Variants in CSMD1 observed in about 807,000 individuals in gnomAD.
CSMD1 encodes the protein CUB and sushi domain-containing protein 1.
A neutral mutation model predicts 417.5 loss-of-function variants in CSMD1; 213 were observed. The ratio of observed to expected loss-of-function variants is 0.51; its 90% CI spans 0.46 to 0.57. The LOEUF is 0.57. Ranked by LOEUF, CSMD1 falls within the 20% of genes least tolerant of loss-of-function variation. The probability of loss-of-function intolerance (pLI) is 0.00; values close to 1 mark genes in which losing one functional copy is unlikely to be tolerated. For missense variants in CSMD1, 6,923 were observed against 4,529.7 expected (o/e 1.53, Z -15.17); for synonymous variants, 2,862 against 1,736.8 (o/e 1.65, Z -16.11).
chr8:4,859,132 C>G (rs1184155751), intron 1 of CSMD1, among the ~76,000 whole-genome samples: 7 of 152,054 alleles, frequency 4.6e-5, no homozygotes, highest in African/African-American at 1.7e-4. Context: ...ACTATCTGAT[C>G]TTTGACAAAC....
chr8:2,944,600 G>A (rs1802093557), intron 68 of CSMD1, among the ~76,000 whole-genome samples: 2 of 151,992 alleles, frequency 1.3e-5, no homozygotes, highest in South Asian at 4.2e-4. Flanking sequence ...GTTTTGTTTG[G>A]TTTCGTTTGG....
In CSMD1 at chr8:4,894,998, G is replaced by A. The variant is rs115684725; in HGVS notation, c.85+99334C>T. On this transcript the variant is annotated intron_variant, in intron 1 of 69. Transcript: ENST00000635120. ...CCACTTTTCTGATCTACTGCCTTCG[G>A]CAAGTAACTTCACTTCTCTTGACCT... Among the ~76,000 whole-genome samples the A allele has an allele frequency of 1.6e-3, 240 of 152,240 alleles. 2 individuals carry two copies. The highest frequency in any genetic ancestry group is 6.8e-3 in the Middle Eastern group (2 of 294).
At chr8:3,697,998 G>A (rs532878962) in intron 7 of CSMD1, among the ~76,000 whole-genome samples, 3 of 152,098 alleles carry the variant, frequency 2.0e-5, no homozygotes, top group Admixed American at 6.5e-5. Flanking sequence ...TTAACCACCT[G>A]TAATCCAATC....
chr8:4,544,486 T>C (rs1167245009), intron 2 of CSMD1, among the ~76,000 whole-genome samples: 2 of 152,148 alleles, frequency 1.3e-5, no homozygotes, highest in East Asian at 3.8e-4. Flanking sequence ...AATTGACTTT[T>C]ATTTTAGCTA....
chr8:4,692,173 C>T (rs920743792), intron 1 of CSMD1, among the ~76,000 whole-genome samples: 5 of 152,154 alleles, frequency 3.3e-5, no homozygotes, highest in Admixed American at 6.5e-5. Flanking sequence ...TGGAAACCAG[C>T]AGCCCCTGGC....
intron 1 of CSMD1, among the ~76,000 whole-genome samples, chr8:4,911,821 T>C (rs540537606): frequency 3.9e-5 from 6 of 152,254 alleles, no homozygotes; most frequent in Non-Finnish European, 7.4e-5. Flanking sequence ...TCATTAAACT[T>C]CACGGTGTTT....
chr8:4,081,561 T>G (rs920846807), intron 3 of CSMD1, among the ~76,000 whole-genome samples: 2 of 152,150 alleles, frequency 1.3e-5, no homozygotes, highest in African/African-American at 4.8e-5. Flanking sequence ...GTGCTCATGT[T>G]GACCTAGTTG....
rs1797897198 is a variant in CSMD1 at position 3,529,686 on chromosome 8, A to T, written c.1345-35960T>A. ...GCTTCTCAGAAGAGCTTACTAAGCA[A>T]CTCATATGTACAAATACATCTTGGG... On this transcript the variant is annotated intron_variant, in intron 10 of 69. Transcript: ENST00000635120. Among the ~76,000 whole-genome samples, 2 of 152,176 alleles carry T rather than the reference A, an allele frequency of 1.3e-5. 1 individual carries two copies. The highest frequency in any genetic ancestry group is 4.8e-5 in the African/African-American group (2 of 41,440).
rs533389009 is a variant in CSMD1 at position 3,765,984 on chromosome 8, C to G, written c.819-11942G>C. ...AGGCATCAGGAATTAACCCAGAGGT[C>G]AGGCAGAGAGGATCATTTGGGAGAG... On this transcript the variant is annotated intron_variant, in intron 5 of 69. Coordinates refer to ENST00000635120, the MANE Select transcript of CSMD1 (RefSeq NM_033225.6). Among the ~76,000 whole-genome samples the G allele has an allele frequency of 2.0e-5, 3 of 152,350 alleles. 1 individual carries two copies. The South Asian group carries it at 6.2e-4, about 32-fold the overall frequency.
intron 3 of CSMD1, among the ~76,000 whole-genome samples, chr8:4,386,713 T>A (rs930706911): frequency 1.3e-5 from 2 of 152,172 alleles, no homozygotes; most frequent in Non-Finnish European, 2.9e-5. Context: ...ATCCAGATGG[T>A]AAGGGATAGC....
chr8:3,053,319 AAAG>A (rs1424634001), intron 49 of CSMD1, among the ~76,000 whole-genome samples: 5 of 152,190 alleles, frequency 3.3e-5, no homozygotes, highest in Non-Finnish European at 7.3e-5. Context: ...TATTGGAAAG[AAAG>A]AAGAAGGGAT....
At chr8:3,884,202 A>G (rs1806398313) in intron 5 of CSMD1, among the ~76,000 whole-genome samples, 1 of 152,212 alleles carries the variant, frequency 6.6e-6, no homozygotes, top group Non-Finnish European at 1.5e-5. Flanking sequence ...TAAATAGGTA[A>G]GTTTGTTTAA....
At chr8:3,036,620 G>C (rs151273483) in intron 50 of CSMD1, among the ~76,000 whole-genome samples, 28 of 152,224 alleles carry the variant, frequency 1.8e-4, no homozygotes, top group African/African-American at 6.5e-4. Flanking sequence ...AGAAAAACTG[G>C]TGTTAGTTCT....
chr8:4,872,898 GATGTCTGAATTTTTTGACAT>G (rs1421514769), intron 1 of CSMD1, among the ~76,000 whole-genome samples: 1 of 152,000 alleles, frequency 6.6e-6, no homozygotes, highest in African/African-American at 2.4e-5. Flanking sequence ...TACTTTGTGC[GATGTCTGAATTTTTTGACAT>G]ATGTTTTATT....
intron 8 of CSMD1, among the ~76,000 whole-genome samples, chr8:3,589,071 A>G (rs1309712101): frequency 6.6e-6 from 1 of 152,188 alleles, no homozygotes; most frequent in Non-Finnish European, 1.5e-5. Context: ...TCAAAAAGAC[A>G]AAAAATAATA....
chr8:3,558,099 CAAT>C (rs1269972466), intron 10 of CSMD1, among the ~76,000 whole-genome samples: 1 of 150,184 alleles, frequency 6.7e-6, no homozygotes, highest in Non-Finnish European at 1.5e-5. Context: ...TCGACTCCTC[CAAT>C]GATGAATGGT....
chr8:3,980,952 A>G (rs544965436), intron 5 of CSMD1, among the ~76,000 whole-genome samples: 2 of 152,280 alleles, frequency 1.3e-5, no homozygotes, highest in African/African-American at 2.4e-5. Flanking sequence ...GTTTTCCCAT[A>G]AAGAGTAGGG....
intron 5 of CSMD1, among the ~76,000 whole-genome samples, chr8:3,945,562 T>TA (rs772608894): frequency 2.4e-4 from 37 of 152,088 alleles, no homozygotes; most frequent in Non-Finnish European, 4.1e-4. Flanking sequence ...GAGACAAGTT[T>TA]AAAAAAATCT....
In CSMD1 at chr8:2,955,579, A is replaced by C; in HGVS notation, c.9994+10T>G. On this transcript the variant is annotated intron_variant, in intron 64 of 69. Coordinates refer to ENST00000635120, the MANE Select transcript of CSMD1 (RefSeq NM_033225.6). ...TGGAAAAGTATGCCACTCCTTGATC[A>C]ATGACTTACTTTTACACACAGGCGA... 1 of 1,613,002 alleles carries C rather than the reference A, an allele frequency of 6.2e-7. No homozygotes were observed. Among genetic ancestry groups the C allele is most frequent in the East Asian group, 2.2e-5 (1 of 44,838 alleles).
Sources: gnomAD v4.1 joint callset for allele counts (sites outside exome capture counted in the v4.1 genomes callset) on GRCh38, gnomAD v4.1.1 for gene constraint, MANE v1.5 for transcripts, NCBI Gene and HGNC (gene_info 2026-07-23, HGNC 2026-07-21) for gene names.